Variants in TRMT13 observed in about 807,000 individuals in gnomAD.
The protein encoded by TRMT13 is tRNA:m(4)X modification enzyme TRM13 homolog.
In TRMT13, 45 loss-of-function variants were observed where a neutral mutation model predicts 55.9. That is an observed-to-expected ratio of 0.80 (90% CI 0.63 to 1.03). TRMT13 has a LOEUF of 1.03. Among genes scored for constraint, TRMT13 ranks in the 50% least tolerant of loss-of-function variants. The pLI, the probability that TRMT13 is intolerant of heterozygous loss-of-function variation, is 0.00. For missense variants in TRMT13, 513 were observed against 563.9 expected (o/e 0.91, Z 0.91); for synonymous variants, 183 against 196.3 (o/e 0.93, Z 0.57).
chr1:100,143,155 A>C lies in TRMT13; in HGVS notation c.688A>C (p.Lys230Gln), dbSNP rs778222974. The C allele has an allele frequency of 1.9e-6, 3 of 1,610,420 alleles. No individual in the cohort carries two copies. Among genetic ancestry groups the C allele is most frequent in the Admixed American group, 1.7e-5 (1 of 59,880 alleles). ...TRFKVDGKHR[K>Q]KNSVFERLQI... ...TGTGCAGGTGGATGGAAAACACAGA[A>C]AGAAAAATTCAGTGTTTGAAAGACT... The change falls in exon 8 of 11, where the codon AAG becomes CAG. Residue 230 changes from lysine to glutamine, a missense_variant. Physicochemically the swap from Lys to Gln is moderately conservative, Grantham distance 53. Transcript: ENST00000370141.
At position 100,141,038 on chromosome 1, in the gene TRMT13, C is replaced by T; in HGVS notation, c.669+19C>T. ...ATTCAAGGTAAGTGAAACCATTGCT[C>T]TGTGTTAGTAACCAAACTTGTTTTC... On this transcript the variant is annotated intron_variant, in intron 7 of 10. Transcript: ENST00000370141. 6.3e-7 allele frequency: 1 copy of T among 1,584,684 alleles called. No individual in the cohort carries two copies. The highest frequency in any genetic ancestry group is 8.6e-7 in the Non-Finnish European group (1 of 1,165,960).
chr1:100,133,362 G>C (rs1306663330), intron 1 of TRMT13, 47 bp downstream of exon 1: 11 of 1,587,238 alleles, frequency 6.9e-6, no homozygotes, highest in Non-Finnish European at 9.4e-6. Context: ...AAGTATCCTG[G>C]TCCTGTCGGT....
At chr1:100,135,775 C>A (rs557684593) in intron 1 of TRMT13, among the ~76,000 whole-genome samples, 1 of 152,266 alleles carries the variant, frequency 6.6e-6, no homozygotes, top group South Asian at 2.1e-4. Context: ...GAATTGCCAA[C>A]ATTATCAATT....
Position 100,148,586 on chromosome 1 carries a change from A to G in TRMT13, c.1251-39A>G, listed in dbSNP as rs748462041. ...AAATAATTTTTTATAAACTTTTGCA[A>G]AATTTTAACAATGTTTTGTGTGTGT... On this transcript the variant is annotated intron_variant, in intron 10 of 10. Coordinates refer to ENST00000370141, the MANE Select transcript of TRMT13 (RefSeq NM_019083.3). The G allele has an allele frequency of 1.9e-6, 3 of 1,567,124 alleles. No homozygotes were observed. The South Asian group carries it at 3.6e-5, about 19-fold the overall frequency.
At chr1:100,134,558 C>T (rs370129149) in intron 1 of TRMT13, among the ~76,000 whole-genome samples, 3 of 152,278 alleles carry the variant, frequency 2.0e-5, no homozygotes, top group East Asian at 1.9e-4. Flanking sequence ...GTGAAGCATA[C>T]TGAAACAAGG....
chr1:100,139,733 T>G (rs1184499743), intron 4 of TRMT13, 22 bp downstream of exon 4: 2 of 1,387,424 alleles, frequency 1.4e-6, no homozygotes, highest in Admixed American at 3.9e-5. Flanking sequence ...GACTTAATAT[T>G]TAATTTTAAA....
intron 6 of TRMT13, 69 bp downstream of exon 6, chr1:100,140,583 T>C: frequency 1.7e-6 from 2 of 1,184,534 alleles, no homozygotes; most frequent in African/African-American, 1.6e-5. Context: ...TTAAATGTAA[T>C]TATTAATAAG....
At position 100,134,463 on chromosome 1, in the gene TRMT13, T is replaced by C. The variant is rs191905646; in HGVS notation, c.147+1148T>C. 3.3e-5 allele frequency among the ~76,000 whole-genome samples: 5 copies of C among 152,340 alleles called. No homozygotes were observed. The East Asian group carries it at 9.6e-4, about 29-fold the overall frequency. On this transcript the variant is annotated intron_variant, in intron 1 of 10. Transcript: ENST00000370141. ...TCTTCTAGACAATATCCAGTGCAGA[T>C]CAGTCCCCTGACCCCCTTCATCTGC...
intron 4 of TRMT13, 95 bp from the exon 5 acceptor site, chr1:100,140,087 G>A (rs1426759717): frequency 5.3e-6 from 4 of 758,048 alleles, no homozygotes; most frequent in Non-Finnish European, 8.7e-6. Context: ...AAGCTGTCAT[G>A]GGATTTGCCC....
At chr1:100,143,614 C>G (rs72971899) in intron 8 of TRMT13, among the ~76,000 whole-genome samples, 4,864 of 152,126 alleles carry the variant, frequency 0.032, 286 homozygotes, top group African/African-American at 0.11. Flanking sequence ...AAAGATACTT[C>G]CTAGAATTTT....
rs1199574364 is a variant in TRMT13, at chr1:100,148,891, AAAT to A, written c.*73_*75del. On this transcript the variant is annotated 3_prime_UTR_variant, in exon 11 of 11. Transcript: ENST00000370141. ...TTTTAATTATATTTTTATATCAAAA[AAAT>A]ATATACTTTAAATAGCAAATAATAT... The A allele has an allele frequency of 4.4e-6, 5 of 1,123,902 alleles. No individual in the cohort carries two copies. In the African/African-American group the frequency reaches 8.2e-5, roughly 18 times the overall value. 69.6% of individuals were successfully genotyped at this position (1,123,902 alleles called of 1,614,324 possible). A position where few individuals can be genotyped will look rare whatever the true frequency, so the allele number is the denominator to read the frequency against.
intron 9 of TRMT13, among the ~76,000 whole-genome samples, chr1:100,147,160 C>T (rs774475797): frequency 1.1e-4 from 16 of 152,038 alleles, no homozygotes; most frequent in East Asian, 1.9e-4. Flanking sequence ...TAGGAGTTTT[C>T]GATGGGAAAT....
At chr1:100,138,868 T>C (rs1223341038) in intron 3 of TRMT13, among the ~76,000 whole-genome samples, 1 of 152,254 alleles carries the variant, frequency 6.6e-6, no homozygotes, top group Non-Finnish European at 1.5e-5. Context: ...ATTTCCATCA[T>C]TGCAGAAAGT....
intron 1 of TRMT13, among the ~76,000 whole-genome samples, chr1:100,135,775 C>T (rs557684593): frequency 6.6e-6 from 1 of 152,148 alleles, no homozygotes; most frequent in African/African-American, 2.4e-5. Context: ...GAATTGCCAA[C>T]ATTATCAATT....
chr1:100,137,174 C>A, intron 3 of TRMT13, 89 bp downstream of exon 3: 4 of 1,102,624 alleles, frequency 3.6e-6, no homozygotes, highest in Non-Finnish European at 5.3e-6. Context: ...TGTTTCATAG[C>A]TGAGGAACCC....
At chr1:100,144,269 C>T (rs1283501255) in intron 9 of TRMT13, 126 bp downstream of exon 9, 7 of 677,220 alleles carry the variant, frequency 1.0e-5, no homozygotes, top group Non-Finnish European at 1.8e-5. Context: ...CTTTATAGAG[C>T]ACTGGCCCTG....
At chr1:100,138,154 T>C (rs563619877) in intron 3 of TRMT13, among the ~76,000 whole-genome samples, 4 of 152,260 alleles carry the variant, frequency 2.6e-5, no homozygotes, top group Middle Eastern at 6.8e-3. Context: ...AAAGCAGTAT[T>C]TATCTGGTTC....
At position 100,140,904 on chromosome 1, in the gene TRMT13, G is replaced by T. The variant is rs771793798; in HGVS notation, c.554G>T (p.Cys185Phe). ...TTAAAGTTACTTGGTCCAAGAAGAT[G>T]CTTTGTTGAGTTTGGAGCGGGAAAG... ...ENLKLLGPRR[C>F]FVEFGAGKGK... The change falls in exon 7 of 11, where the codon TGC (cysteine) becomes TTC (phenylalanine). Residue 185 changes from cysteine to phenylalanine, a missense_variant. Cys to Phe is a radical substitution (Grantham distance 205, BLOSUM62 -2). This residue lies in a region of TRMT13 where 298 missense variants were observed against 290.3 expected (regional missense o/e 1.03). Coordinates refer to ENST00000370141, the MANE Select transcript of TRMT13 (RefSeq NM_019083.3). The T allele has an allele frequency of 6.2e-7, 1 of 1,613,670 alleles. No homozygotes were observed. The highest frequency in any genetic ancestry group is 1.7e-5 in the Admixed American group (1 of 59,988).
Position 100,148,834 on chromosome 1 carries a change from T to G in TRMT13, c.*14T>G. 7.0e-7 allele frequency: 1 copy of G among 1,429,558 alleles called. No individual in the cohort carries two copies. The highest frequency in any genetic ancestry group is 9.2e-7 in the Non-Finnish European group (1 of 1,088,890). 88.6% of individuals were successfully genotyped at this position (1,429,558 alleles called of 1,614,324 possible). A position where few individuals can be genotyped will look rare whatever the true frequency, so the allele number is the denominator to read the frequency against. On this transcript the variant is annotated 3_prime_UTR_variant, in exon 11 of 11. Transcript: ENST00000370141. ...ACAACTGCTTAATGGAAAAGAAATT[T>G]GAGCATCATCTGTCTTCCACCAAAA...
Sources: allele counts gnomAD v4.1 joint callset (sites outside exome capture counted in the v4.1 genomes callset), GRCh38; gene constraint gnomAD v4.1.1; regional missense constraint gnomAD v4.1.1; transcripts MANE v1.5; gene names NCBI Gene and HGNC (gene_info 2026-07-23, HGNC 2026-07-21).